Variants in BICD1 observed in about 807,000 individuals in gnomAD.
The protein encoded by BICD1 is protein bicaudal D homolog 1.
In BICD1, 35 loss-of-function variants were observed where a neutral mutation model predicts 92.5. The observed-to-expected ratio is 0.38, with a 90% CI of 0.29 to 0.50. The LOEUF is 0.50. Ranked by LOEUF, BICD1 falls within the 20% of genes least tolerant of loss-of-function variation. The pLI, the probability that BICD1 is intolerant of heterozygous loss-of-function variation, is 0.93. For missense variants in BICD1, 950 were observed against 1,189.8 expected, an observed-to-expected ratio of 0.80 and a Z score of 2.97; for synonymous variants, 429 against 465.1, an observed-to-expected ratio of 0.92 and a Z score of 1.00.
chr12:32,108,837 G>T, intron 1 of BICD1: 2 of 520,204 alleles, frequency 3.8e-6, no homozygotes, highest in Non-Finnish European at 6.9e-6. Flanking sequence ...TAAATTTCTG[G>T]TTCCTATTTT....
At chr12:32,363,693 T>G (rs1240339815) in intron 8 of BICD1, among the ~76,000 whole-genome samples, 1 of 152,196 alleles carries the variant, frequency 6.6e-6, no homozygotes, top group Non-Finnish European at 1.5e-5. Context: ...ATTAGTTAGA[T>G]TCAGTCTAAT....
At chr12:32,367,014 A>G (rs1021907793) in intron 8 of BICD1, among the ~76,000 whole-genome samples, 1 of 152,206 alleles carries the variant, frequency 6.6e-6, no homozygotes, top group African/African-American at 2.4e-5. Flanking sequence ...AAACAATTAC[A>G]AAGTGGAGTT....
chr12:32,265,427 G>A (rs185943012), intron 2 of BICD1, among the ~76,000 whole-genome samples: 134 of 152,044 alleles, frequency 8.8e-4, no homozygotes, highest in African/African-American at 3.1e-3. Context: ...AGAATTACAG[G>A]GTTGGGCACG....
At chr12:32,202,215 G>A (rs1383643125) in intron 1 of BICD1, among the ~76,000 whole-genome samples, 3 of 152,180 alleles carry the variant, frequency 2.0e-5, no homozygotes, top group African/African-American at 7.2e-5. Context: ...GTTTGGTTGA[G>A]ACAGATTCAC....
At chr12:32,183,458 G>C (rs1382379350) in intron 1 of BICD1, among the ~76,000 whole-genome samples, 2 of 151,190 alleles carry the variant, frequency 1.3e-5, no homozygotes, top group Non-Finnish European at 3.0e-5. Context: ...GTAGAGACAG[G>C]GTTTCACCAT....
rs1940213640 is a variant in BICD1, at chr12:32,382,417, C to T, written c.*4790C>T. 1 of 151,984 alleles carries T rather than the reference C, an allele frequency of 6.6e-6. No homozygotes were observed. The highest frequency in any genetic ancestry group is 1.5e-5 in the Non-Finnish European group (1 of 67,944). 9.4% of individuals were successfully genotyped at this position (151,984 alleles called of 1,614,324 possible). Reference sequence around the variant, plus strand: ...TTATTTCACATCATGTAAGCTTTCCCATATTCATAAGATGAACACTATAGA... The same window carrying T: ...TTATTTCACATCATGTAAGCTTTCCTATATTCATAAGATGAACACTATAGA... On this transcript the variant is annotated 3_prime_UTR_variant, in exon 10 of 10. Coordinates refer to ENST00000652176, the MANE Select transcript of BICD1 (RefSeq NM_001714.4).
intron 1 of BICD1, among the ~76,000 whole-genome samples, chr12:32,177,948 T>G (rs1410621185): frequency 6.6e-6 from 1 of 151,242 alleles, no homozygotes; most frequent in Non-Finnish European, 1.5e-5. Context: ...TAAATTCAAA[T>G]TCAGATTGCA....
At chr12:32,108,999 T>C (rs1941593579) in intron 1 of BICD1, 1 of 272,032 alleles carries the variant, frequency 3.7e-6, no homozygotes. Context: ...TGTTTTGATA[T>C]TGTCTATACC....
chr12:32,271,349 A>C (rs138403148), intron 2 of BICD1, among the ~76,000 whole-genome samples: 1 of 152,128 alleles, frequency 6.6e-6, no homozygotes, highest in South Asian at 2.1e-4. Context: ...CAGTTCGTCT[A>C]TTTGGGGCTT....
chr12:32,327,564 G>A lies in BICD1; in HGVS notation c.1109G>A (p.Arg370Gln), dbSNP rs199625504. 5.6e-6 allele frequency: 9 copies of A among 1,614,122 alleles called. No individual in the cohort carries two copies. Among genetic ancestry groups the A allele is most frequent in the South Asian group, 4.4e-5 (4 of 91,078 alleles). The change falls in exon 5 of 10, where the codon CGG becomes CAG. Residue 370 changes from arginine (R) to glutamine (Q), a missense_variant. Transcript: ENST00000652176. ...ALTEQHERVHRLTEHVNAMRG... is the reference protein window; with the variant it reads ...ALTEQHERVHQLTEHVNAMRG... Reference sequence around the variant, plus strand: ...ACGGAGCAGCATGAGCGGGTGCACCGGCTCACAGAGCACGTCAATGCCATG... The same window carrying A: ...ACGGAGCAGCATGAGCGGGTGCACCAGCTCACAGAGCACGTCAATGCCATG...
chr12:32,153,794 T>C (rs1943358841), intron 1 of BICD1, among the ~76,000 whole-genome samples: 1 of 150,692 alleles, frequency 6.6e-6, no homozygotes, highest in Admixed American at 6.7e-5. Context: ...TGTGTGTGTG[T>C]GTGTATATAT....
chr12:32,117,005 G>T (rs1056903241), intron 1 of BICD1, among the ~76,000 whole-genome samples: 15 of 151,882 alleles, frequency 9.9e-5, no homozygotes, highest in Non-Finnish European at 1.2e-4. Flanking sequence ...GATATGTTAC[G>T]TTTGTTTTCA....
chr12:32,184,173 C>A (rs1370546404), intron 1 of BICD1, among the ~76,000 whole-genome samples: 1 of 152,152 alleles, frequency 6.6e-6, no homozygotes, highest in African/African-American at 2.4e-5. Context: ...AATTTAGTGT[C>A]TCTCAAGGAA....
intron 1 of BICD1, among the ~76,000 whole-genome samples, chr12:32,129,635 C>T (rs770336606): frequency 1.7e-4 from 26 of 151,928 alleles, no homozygotes; most frequent in Middle Eastern, 3.2e-3. Context: ...CTCCCACAGT[C>T]CTGGGATTAT....
chr12:32,301,160 T>G (rs577564921), intron 3 of BICD1, among the ~76,000 whole-genome samples: 2 of 152,204 alleles, frequency 1.3e-5, no homozygotes, highest in Non-Finnish European at 2.9e-5. Flanking sequence ...AGCATGCGTT[T>G]CTGGATTCCT....
At chr12:32,304,136 C>T (rs972847507) in intron 3 of BICD1, among the ~76,000 whole-genome samples, 2 of 152,062 alleles carry the variant, frequency 1.3e-5, no homozygotes, top group Non-Finnish European at 2.9e-5. Context: ...GTGTCTGTTA[C>T]ATCAGCCAGG....
At chr12:32,168,992 A>G (rs1488221605) in intron 1 of BICD1, among the ~76,000 whole-genome samples, 1 of 151,940 alleles carries the variant, frequency 6.6e-6, no homozygotes, top group Non-Finnish European at 1.5e-5. Flanking sequence ...CCCAAAATTG[A>G]CCATTGAGAA....
At chr12:32,185,312 A>G (rs1211597932) in intron 1 of BICD1, among the ~76,000 whole-genome samples, 1 of 152,258 alleles carries the variant, frequency 6.6e-6, no homozygotes, top group African/African-American at 2.4e-5. Context: ...ATCCACTGCT[A>G]TGGTTTTGAA....
chr12:32,167,551 G>A (rs1394465902), intron 1 of BICD1, among the ~76,000 whole-genome samples: 1 of 152,026 alleles, frequency 6.6e-6, no homozygotes, highest in Non-Finnish European at 1.5e-5. Flanking sequence ...TGCCTCCTGG[G>A]TTCAAGTGAT....
Sources: gnomAD v4.1 joint callset for allele counts (sites outside exome capture counted in the v4.1 genomes callset) on GRCh38, gnomAD v4.1.1 for gene constraint, MANE v1.5 for transcripts, NCBI Gene and HGNC (gene_info 2026-07-23, HGNC 2026-07-21) for gene names.